GPLD1: variants seen among roughly 807,000 people sequenced by gnomAD.
The protein encoded by GPLD1 is phosphatidylinositol-glycan-specific phospholipase D.
A neutral mutation model predicts 112.6 loss-of-function variants in GPLD1; 84 were observed. The ratio of observed to expected loss-of-function variants is 0.75; its 90% CI spans 0.63 to 0.89. The LOEUF (loss-of-function observed/expected upper bound fraction) is 0.89. Among genes scored for constraint, GPLD1 ranks in the 40% least tolerant of loss-of-function variants. The pLI is 0.00. For synonymous variants in GPLD1, 386 were observed against 403.8 expected (o/e 0.96, Z 0.53); for missense variants, 1,044 against 1,051.5 (o/e 0.99, Z 0.10).
chr6:24,433,011 A>G (rs1762455495), intron 24 of GPLD1, among the ~76,000 whole-genome samples, 176 bp downstream of exon 24: 1 of 152,246 alleles, frequency 6.6e-6, no homozygotes, highest in Non-Finnish European at 1.5e-5. Flanking sequence ...TAGGAAGAGT[A>G]AAAAGGGAAA....
At chr6:24,479,612 T>G (rs1334635697) in intron 3 of GPLD1, among the ~76,000 whole-genome samples, 1 of 152,112 alleles carries the variant, frequency 6.6e-6, no homozygotes, top group Non-Finnish European at 1.5e-5. Context: ...ATGTCTTCTA[T>G]CATGTCACTT....
chr6:24,458,917 G>C (rs1413795057), intron 12 of GPLD1, among the ~76,000 whole-genome samples: 3 of 152,014 alleles, frequency 2.0e-5, no homozygotes, highest in Non-Finnish European at 4.4e-5. Flanking sequence ...GGCAGTGACA[G>C]CAGTATATTA....
At chr6:24,434,938 G>A (rs892010042) in intron 22 of GPLD1, among the ~76,000 whole-genome samples, 4 of 151,754 alleles carry the variant, frequency 2.6e-5, no homozygotes, top group Non-Finnish European at 5.9e-5. Context: ...CCAAAGTGCT[G>A]GGATTACAAG....
chr6:24,480,835 A>C (rs562796933), intron 2 of GPLD1, among the ~76,000 whole-genome samples: 1 of 152,306 alleles, frequency 6.6e-6, no homozygotes, highest in South Asian at 2.1e-4. Context: ...GTCTCAGCTC[A>C]CAGTCTGATA....
exon 1 of GPLD1, chr6:24,495,012 T>C: frequency 7.5e-7 from 1 of 1,326,206 alleles, no homozygotes; most frequent in African/African-American, 1.5e-5. Flanking sequence ...GACCTGCATT[T>C]GGCTGCGGAG....
intron 3 of GPLD1, 122 bp from the exon 4 acceptor site, chr6:24,476,400 TTTC>T (rs1469773053): frequency 9.9e-6 from 6 of 606,612 alleles, no homozygotes; most frequent in African/African-American, 9.3e-5. Flanking sequence ...TGCCCCTCAG[TTTC>T]TTCTGTCGAC....
At chr6:24,433,429 G>A (rs1385810299) in intron 22 of GPLD1, 40 bp from the exon 23 acceptor site, 1 of 1,392,258 alleles carries the variant, frequency 7.2e-7, no homozygotes, top group Non-Finnish European at 1.0e-6. Context: ...TGTTATTACT[G>A]TTTGTGTGGC....
chr6:24,488,446 A>G (rs1271453234), intron 1 of GPLD1, among the ~76,000 whole-genome samples: 1 of 152,040 alleles, frequency 6.6e-6, no homozygotes, highest in Non-Finnish European at 1.5e-5. Context: ...AACATCAGGT[A>G]TATCTGAAAT....
rs774586094 is a variant in GPLD1, at chr6:24,467,198, C to T, written c.622G>A (p.Val208Ile). The change falls in exon 8 of 25, where the codon GTT becomes ATT. Residue 208 changes from valine (V) to isoleucine (I), a missense_variant. Val to Ile is a conservative substitution (Grantham distance 29, BLOSUM62 3). Coordinates refer to ENST00000230036, the MANE Select transcript of GPLD1 (RefSeq NM_001503.4). ...AAGAACTGGATATGTGAACAATCAA[C>T]GATTACATTTTCGGTGATGACTTTT... ...GRKVITENVI[V>I]DCSHIQFLEM... 9 of 1,602,146 alleles carry T rather than the reference C, an allele frequency of 5.6e-6. No homozygotes were observed. The Admixed American group carries it at 1.2e-4, about 21-fold the overall frequency.
At chr6:24,444,420 A>G (rs1451424806) in intron 20 of GPLD1, among the ~76,000 whole-genome samples, 1 of 151,540 alleles carries the variant, frequency 6.6e-6, no homozygotes, top group African/African-American at 2.4e-5. Context: ...TTCCTTCTAT[A>G]TATTTCCTTG....
chr6:24,462,528 G>A (rs1763469882), intron 11 of GPLD1, among the ~76,000 whole-genome samples: 1 of 152,166 alleles, frequency 6.6e-6, no homozygotes, highest in African/African-American at 2.4e-5. Context: ...GAGTGTTGAT[G>A]TGCTTTTTCC....
chr6:24,467,309 A>G (rs775672430), intron 7 of GPLD1, 35 bp from the exon 8 acceptor site: 18 of 1,131,804 alleles, frequency 1.6e-5, no homozygotes, highest in Non-Finnish European at 2.4e-5. Flanking sequence ...AGTTGTTTTG[A>G]TTCTGAAGCT....
exon 1 of GPLD1, chr6:24,495,094 C>A: frequency 7.6e-7 from 1 of 1,320,266 alleles, no homozygotes. Context: ...GGCCTGGTCC[C>A]TGCCTCCGGG....
At chr6:24,429,200 C>T (rs1762329496) in intron 24 of GPLD1, 82 bp from the exon 25 acceptor site, 2 of 791,744 alleles carry the variant, frequency 2.5e-6, no homozygotes, top group Admixed American at 4.6e-5. Flanking sequence ...TCATGCTATG[C>T]TCTAGAAATA....
chr6:24,445,314 A>G (rs895084607), intron 20 of GPLD1, among the ~76,000 whole-genome samples: 2 of 152,208 alleles, frequency 1.3e-5, no homozygotes, highest in African/African-American at 4.8e-5. Context: ...GGTGTGAGCC[A>G]CCGCACCCGG....
chr6:24,456,566 C>A lies in GPLD1; in HGVS notation c.1080G>T (p.Leu360Phe). Residue 360 changes from leucine to phenylalanine, a missense_variant, in exon 13 of 25, where the codon TTG becomes TTT. By Grantham distance (22) the Leu-to-Phe change is conservative. Coordinates refer to ENST00000230036, the MANE Select transcript of GPLD1 (RefSeq NM_001503.4). ...AGGGGCTGGAGACGTGCTTTTGTGA[C>A]AACTGAGAGCCACCTATGAACATTG... ...IRTMFIGGSQ[L>F]SQKHVSSPLA... 1 of 1,604,776 alleles carries A rather than the reference C, an allele frequency of 6.2e-7. No individual in the cohort carries two copies. The highest frequency in any genetic ancestry group is 1.1e-5 in the South Asian group (1 of 90,848).
intron 2 of GPLD1, among the ~76,000 whole-genome samples, chr6:24,481,952 T>C (rs949902513): frequency 3.3e-5 from 5 of 152,122 alleles, no homozygotes; most frequent in Non-Finnish European, 7.3e-5. Context: ...TGAATCTGCA[T>C]CTCCCAGTGA....
chr6:24,489,083 G>T (rs1187605821), intron 1 of GPLD1, among the ~76,000 whole-genome samples: 1 of 152,138 alleles, frequency 6.6e-6, no homozygotes, highest in African/African-American at 2.4e-5. Context: ...CACCCATCTT[G>T]TTCCTCTCCC....
At chr6:24,446,235 A>T (rs191593493) in intron 18 of GPLD1, among the ~76,000 whole-genome samples, 13 of 152,276 alleles carry the variant, frequency 8.5e-5, no homozygotes, top group Non-Finnish European at 8.8e-5. Flanking sequence ...ATCCTGATCC[A>T]ATAGGACTGG....
Sources: allele counts gnomAD v4.1 joint callset (sites outside exome capture counted in the v4.1 genomes callset), GRCh38; gene constraint gnomAD v4.1.1; transcripts MANE v1.5; gene names NCBI Gene and HGNC (gene_info 2026-07-23, HGNC 2026-07-21).